Variants in ZDHHC15 observed in about 807,000 individuals in gnomAD.
ZDHHC15 encodes palmitoyltransferase ZDHHC15.
Under a neutral mutation model 31.7 loss-of-function variants are expected in ZDHHC15, and 19 were observed. That is an observed-to-expected ratio of 0.60 (90% CI 0.42 to 0.88). The LOEUF (loss-of-function observed/expected upper bound fraction) is 0.88. Among genes scored for constraint, ZDHHC15 ranks in the 40% least tolerant of loss-of-function variants. The pLI is 0.00. For synonymous variants in ZDHHC15, 103 were observed against 90.0 expected, an observed-to-expected ratio of 1.14 and a Z score of -0.82; for missense variants, 209 against 251.2, an observed-to-expected ratio of 0.83 and a Z score of 1.14.
At chrX:75,442,454 G>A (rs1173978743) in intron 4 of ZDHHC15, among the ~76,000 whole-genome samples, 2 of 111,979 alleles carry the variant, frequency 1.8e-5, no homozygotes, top group Non-Finnish European at 3.8e-5. Flanking sequence ...CCTCAGCAAA[G>A]TCTCAGGATA....
intron 4 of ZDHHC15, among the ~76,000 whole-genome samples, chrX:75,444,640 GTATATA>G (rs760429265): frequency 0.13 from 2,948 of 22,559 alleles, 193 homozygotes; most frequent in South Asian, 0.14. Context: ...AAGCAACACT[GTATATA>G]TATATATATA....
At chrX:75,513,424 T>C (rs1029512730) in intron 1 of ZDHHC15, among the ~76,000 whole-genome samples, 3 of 111,889 alleles carry the variant, frequency 2.7e-5, no homozygotes, top group African/African-American at 9.7e-5. Flanking sequence ...CTCTGGAATC[T>C]AGTAAAATTG....
intron 2 of ZDHHC15, among the ~76,000 whole-genome samples, chrX:75,479,983 T>C (rs772500762): frequency 1.8e-5 from 2 of 111,673 alleles, no homozygotes; most frequent in East Asian, 5.6e-4. Context: ...GCTCTTCTCA[T>C]ATGCGATATT....
At chrX:75,444,675 TA>T (rs1569332653) in intron 4 of ZDHHC15, among the ~76,000 whole-genome samples, 4 of 40,870 alleles carry the variant, frequency 9.8e-5, no homozygotes, top group African/African-American at 2.6e-4. Flanking sequence ...TATATATATA[TA>T]TATATATATA....
intron 7 of ZDHHC15, among the ~76,000 whole-genome samples, chrX:75,426,443 CT>C (rs1309778487): frequency 0.012 from 1,201 of 101,063 alleles, 12 homozygotes; most frequent in African/African-American, 0.029. Context: ...TCTTCTTAAA[CT>C]TTTTTTTTTT....
intron 10 of ZDHHC15, among the ~76,000 whole-genome samples, chrX:75,399,635 C>T (rs1034915758): frequency 3.6e-5 from 4 of 111,619 alleles, no homozygotes; most frequent in African/African-American, 1.3e-4. Flanking sequence ...GGAACATAAG[C>T]ACTAAGATCA....
At chrX:75,383,327 A>G (rs1435019697) in intron 10 of ZDHHC15, among the ~76,000 whole-genome samples, 1 of 112,327 alleles carries the variant, frequency 8.9e-6, no homozygotes, top group Non-Finnish European at 1.9e-5. Flanking sequence ...TTATTTTCCA[A>G]CAGTTGCAGA....
intron 3 of ZDHHC15, among the ~76,000 whole-genome samples, chrX:75,473,881 T>C (rs1182382334): frequency 1.8e-5 from 2 of 112,284 alleles, no homozygotes; most frequent in African/African-American, 6.5e-5. Flanking sequence ...AGCATTTAAG[T>C]ATTGTTAACT....
chrX:75,424,884 T>C, intron 7 of ZDHHC15, 100 bp from the exon 8 acceptor site: 4 of 881,979 alleles, frequency 4.5e-6, no homozygotes, highest in Non-Finnish European at 6.0e-6. Flanking sequence ...ATAAAGTGTC[T>C]AGCTGTAATT....
chrX:75,440,857 G>T (rs2083930730), intron 4 of ZDHHC15, among the ~76,000 whole-genome samples: 1 of 111,625 alleles, frequency 9.0e-6, no homozygotes. Flanking sequence ...TATGGTTGCT[G>T]TGGGAAATAG....
At chrX:75,457,316 T>C (rs1232426780) in intron 3 of ZDHHC15, among the ~76,000 whole-genome samples, 2 of 110,595 alleles carry the variant, frequency 1.8e-5, no homozygotes, top group Non-Finnish European at 3.8e-5. Context: ...AAGTCTTTGG[T>C]CCATTAAAAA....
intron 1 of ZDHHC15, among the ~76,000 whole-genome samples, chrX:75,506,079 C>G (rs1351528032): frequency 8.9e-6 from 1 of 111,797 alleles, no homozygotes. Context: ...TTCAGCAAGG[C>G]TTTCAATCAT....
At chrX:75,452,545 G>C (rs1196188412) in intron 3 of ZDHHC15, among the ~76,000 whole-genome samples, 1 of 111,404 alleles carries the variant, frequency 9.0e-6, no homozygotes, top group Non-Finnish European at 1.9e-5. Context: ...AGACCTAATA[G>C]ACATCCACAG....
At chrX:75,464,550 G>A (rs894109313) in intron 3 of ZDHHC15, among the ~76,000 whole-genome samples, 1 of 111,525 alleles carries the variant, frequency 9.0e-6, no homozygotes, top group African/African-American at 3.3e-5. Flanking sequence ...AAACATTGAT[G>A]TAAAAATCCT....
intron 1 of ZDHHC15, among the ~76,000 whole-genome samples, chrX:75,521,599 G>A (rs2085442575): frequency 9.0e-6 from 1 of 110,882 alleles, no homozygotes; most frequent in Non-Finnish European, 1.9e-5. Flanking sequence ...GGAGGATATA[G>A]AGTGCTCCTT....
In ZDHHC15 at chrX:75,379,128, G is replaced by A; in HGVS notation, c.*24C>T. 4 of 1,209,058 alleles carry A rather than the reference G, an allele frequency of 3.3e-6. No individual in the cohort carries two copies. The highest frequency in any genetic ancestry group is 4.5e-6 in the Non-Finnish European group (4 of 893,086). Reference sequence around the variant, plus strand: ...TCCCTCAGAATACTGACCTGTCTGAGAGATGCAGGAAATGTGAAAACTGCT... The same window carrying A: ...TCCCTCAGAATACTGACCTGTCTGAAAGATGCAGGAAATGTGAAAACTGCT... On this transcript the variant is annotated 3_prime_UTR_variant, in exon 11 of 12. Transcript: ENST00000373367.
Position 75,470,626 on chromosome X carries a change from C to A in ZDHHC15, c.258+8265G>T, listed in dbSNP as rs6647746. On this transcript the variant is annotated intron_variant, in intron 3 of 11. Coordinates refer to ENST00000373367, the MANE Select transcript of ZDHHC15 (RefSeq NM_144969.3). The stretch of plus-strand genomic sequence containing the variant: ...AGGCAAGCAAAAATGTCATTACGGT[C>A]CTCCAGTTAAAGTAGGTGCTTATGG... 8.6e-3 allele frequency among the ~76,000 whole-genome samples: 954 copies of A among 111,046 alleles called. 14 individuals carry two copies. Among genetic ancestry groups the A allele is most frequent in the African/African-American group, 0.03 (919 of 30,550 alleles).
intron 4 of ZDHHC15, among the ~76,000 whole-genome samples, chrX:75,442,861 C>T (rs935374340): frequency 1.9e-5 from 2 of 107,669 alleles, no homozygotes; most frequent in African/African-American, 6.8e-5. Flanking sequence ...TGGCGGGCGC[C>T]TGTAGTCCCA....
intron 1 of ZDHHC15, 128 bp from the exon 2 acceptor site, chrX:75,505,975 T>C: frequency 1.8e-6 from 1 of 562,472 alleles, no homozygotes; most frequent in Non-Finnish European, 2.9e-6. Flanking sequence ...TTGAGTAATT[T>C]ATATAATAGT....
Sources: gnomAD v4.1 joint callset for allele counts (sites outside exome capture counted in the v4.1 genomes callset) on GRCh38, gnomAD v4.1.1 for gene constraint, MANE v1.5 for transcripts, NCBI Gene and HGNC (gene_info 2026-07-23, HGNC 2026-07-21) for gene names.